Variants in ERLIN2 observed in about 807,000 individuals in gnomAD.
ERLIN2 encodes the protein ER lipid raft associated 2.
ERLIN2 carries 22 observed loss-of-function variants against 41.5 expected under a neutral mutation model. The ratio of observed to expected loss-of-function variants is 0.53; its 90% CI spans 0.38 to 0.76. The LOEUF (loss-of-function observed/expected upper bound fraction) is 0.76, where lower values mean the gene tolerates loss of function less well. Ranked by LOEUF, ERLIN2 falls within the 30% of genes least tolerant of loss-of-function variation. The pLI is 0.00. For missense variants in ERLIN2, 247 were observed against 414.3 expected (o/e 0.60, Z 3.51); for synonymous variants, 149 against 150.9 (o/e 0.99, Z 0.09).
At position 37,749,954 on chromosome 8, in the gene ERLIN2, C is replaced by A. The variant is rs1803180932; in HGVS notation, c.557+102C>A. 3.8e-6 allele frequency: 4 copies of A among 1,066,154 alleles called. No individual in the cohort carries two copies. In the South Asian group the frequency reaches 3.8e-5, roughly 10 times the overall value. The allele number at this position is 1,066,154 out of a possible 1,614,324, so 66.0% of individuals were successfully genotyped here. ...AAGCTGCCAGGCTTCTCGGTTATCC[C>A]CTTGCTGGAGGATTTGCTACAGCCC... On this transcript the variant is annotated intron_variant, in intron 8 of 11. Coordinates refer to ENST00000519638, the MANE Select transcript of ERLIN2 (RefSeq NM_007175.8).
chr8:37,756,897 C>T lies in ERLIN2; in HGVS notation c.*2782C>T, dbSNP rs1201702599. On this transcript the variant is annotated 3_prime_UTR_variant, in exon 12 of 12. Transcript: ENST00000519638. ...AAAATCACCTTGGTTGAATGTTTCTCACTCATTAAACTTTGCAGAAGTGAT... is the reference window on the plus strand; with the variant it reads ...AAAATCACCTTGGTTGAATGTTTCTTACTCATTAAACTTTGCAGAAGTGAT... 2 of 152,506 alleles carry T rather than the reference C, an allele frequency of 1.3e-5. No homozygotes were observed. The highest frequency in any genetic ancestry group is 4.8e-5 in the African/African-American group (2 of 41,456). The allele number at this position is 152,506 out of a possible 1,614,324, so 9.4% of individuals were successfully genotyped here. A position where few individuals can be genotyped will look rare whatever the true frequency, so the allele number is the denominator to read the frequency against.
intron 8 of ERLIN2, 146 bp from the exon 9 acceptor site, chr8:37,750,249 A>G: frequency 1.4e-6 from 1 of 698,930 alleles, no homozygotes; most frequent in South Asian, 1.5e-5. Flanking sequence ...ACAACAGATC[A>G]GCTTTTACCT....
At chr8:37,748,511 A>G (rs1447731827) in intron 6 of ERLIN2, among the ~76,000 whole-genome samples, 1 of 152,150 alleles carries the variant, frequency 6.6e-6, no homozygotes, top group Non-Finnish European at 1.5e-5. Context: ...CTAACAATCA[A>G]GGCCCACCAG....
chr8:37,738,810 A>C (rs1802750377), intron 2 of ERLIN2, among the ~76,000 whole-genome samples: 1 of 152,174 alleles, frequency 6.6e-6, no homozygotes, highest in Admixed American at 6.5e-5. Context: ...ACTTGAGCCC[A>C]GAAGTTTGAG....
rs146112468 is a variant in ERLIN2, at chr8:37,736,834, T to A, written c.-16+156T>A. On this transcript the variant is annotated intron_variant, in intron 1 of 11. Transcript: ENST00000519638. ...ACAGAAACCCTTTTCTGTCGCGTCCTCTCCTTGCGAGCCGCAGGGGGACCG... is the reference window on the plus strand; with the variant it reads ...ACAGAAACCCTTTTCTGTCGCGTCCACTCCTTGCGAGCCGCAGGGGGACCG... 1,962 of 985,726 alleles carry A rather than the reference T, an allele frequency of 2.0e-3. 31 individuals carry two copies. The African/African-American group carries it at 0.032, about 16-fold the overall frequency. The allele number at this position is 985,726 out of a possible 1,614,324, so 61.1% of individuals were successfully genotyped here. A position where few individuals can be genotyped will look rare whatever the true frequency, so the allele number is the denominator to read the frequency against.
intron 9 of ERLIN2, among the ~76,000 whole-genome samples, chr8:37,750,714 T>C (rs1426441655): frequency 6.6e-6 from 1 of 152,066 alleles, no homozygotes; most frequent in Admixed American, 6.5e-5. Flanking sequence ...AAGCCCCACC[T>C]GTTAATTCTT....
chr8:37,740,235 A>G (rs1585900256), intron 2 of ERLIN2, 130 bp from the exon 3 acceptor site: 2 of 728,726 alleles, frequency 2.7e-6, no homozygotes, highest in Non-Finnish European at 5.1e-6. Flanking sequence ...ATCTGTAGCC[A>G]TGGCTGCAGC....
intron 6 of ERLIN2, chr8:37,746,685 G>A (rs1045030496): frequency 8.1e-6 from 2 of 245,822 alleles, no homozygotes; most frequent in South Asian, 1.5e-4. Context: ...ATTTTCATTC[G>A]GATCTGAGCT....
chr8:37,746,613 A>C, intron 6 of ERLIN2: 1 of 825,898 alleles, frequency 1.2e-6, no homozygotes, highest in Non-Finnish European at 1.5e-6. Flanking sequence ...GTATCCATGC[A>C]AGGAAGCAAT....
intron 9 of ERLIN2, 80 bp from the exon 10 acceptor site, chr8:37,751,546 G>A: frequency 8.0e-7 from 1 of 1,246,562 alleles, no homozygotes; most frequent in Non-Finnish European, 1.2e-6. Flanking sequence ...TGGCCCACCA[G>A]GACACTCAGC....
At chr8:37,746,527 G>A (rs1269450627) in intron 6 of ERLIN2, 2 of 972,696 alleles carry the variant, frequency 2.1e-6, no homozygotes, top group African/African-American at 1.8e-5. Flanking sequence ...AATAGCAAAT[G>A]TAAAGTAAAA....
chr8:37,744,463 A>G (rs984488716), intron 5 of ERLIN2, 47 bp downstream of exon 5: 1 of 1,607,488 alleles, frequency 6.2e-7, no homozygotes. Flanking sequence ...TTTCCCCAGC[A>G]TGCCACTCCC....
chr8:37,749,960 T>C lies in ERLIN2; in HGVS notation c.557+108T>C. The C allele has an allele frequency of 4.0e-6, 4 of 1,008,788 alleles. No homozygotes were observed. The South Asian group carries it at 5.1e-5, about 13-fold the overall frequency. 62.5% of individuals were successfully genotyped at this position (1,008,788 alleles called of 1,614,324 possible). A position where few individuals can be genotyped will look rare whatever the true frequency, so the allele number is the denominator to read the frequency against. On this transcript the variant is annotated intron_variant, in intron 8 of 11. Transcript: ENST00000519638. ...CCAGGCTTCTCGGTTATCCCCTTGCTGGAGGATTTGCTACAGCCCATTGCA... is the reference window on the plus strand; with the variant it reads ...CCAGGCTTCTCGGTTATCCCCTTGCCGGAGGATTTGCTACAGCCCATTGCA...
chr8:37,751,938 G>C (rs1265853675), intron 10 of ERLIN2, among the ~76,000 whole-genome samples: 1 of 152,202 alleles, frequency 6.6e-6, no homozygotes, highest in Non-Finnish European at 1.5e-5. Context: ...AGCAAATGTG[G>C]CTGGAGTGCC....
chr8:37,749,685 C>T, intron 7 of ERLIN2, 53 bp downstream of exon 7: 1 of 1,543,742 alleles, frequency 6.5e-7, no homozygotes, highest in Non-Finnish European at 9.0e-7. Context: ...TGCTTCCCTT[C>T]TCCCAAGGGA....
chr8:37,754,416 T>C lies in ERLIN2; in HGVS notation c.*301T>C, dbSNP rs1453317901. 2.5e-6 allele frequency: 1 copy of C among 399,186 alleles called. No individual in the cohort carries two copies. The highest frequency in any genetic ancestry group is 4.7e-6 in the Non-Finnish European group (1 of 211,034). The allele number at this position is 399,186 out of a possible 1,614,324, so 24.7% of individuals were successfully genotyped here. Reference sequence around the variant, plus strand: ...TTGAGGCTGGCTTAATTAGGGATGCTGTCATTAAGGAGAGGGAGAAATGTA... The same window carrying C: ...TTGAGGCTGGCTTAATTAGGGATGCCGTCATTAAGGAGAGGGAGAAATGTA... On this transcript the variant is annotated 3_prime_UTR_variant, in exon 12 of 12. Coordinates refer to ENST00000519638, the MANE Select transcript of ERLIN2 (RefSeq NM_007175.8).
At chr8:37,736,948 G>C in intron 1 of ERLIN2, 1 of 985,988 alleles carries the variant, frequency 1.0e-6, no homozygotes, top group Non-Finnish European at 1.2e-6. Context: ...TGACCTCGGG[G>C]AGGGAAGGGC....
At chr8:37,739,244 T>G (rs1049426082) in intron 2 of ERLIN2, among the ~76,000 whole-genome samples, 1 of 152,218 alleles carries the variant, frequency 6.6e-6, no homozygotes, top group African/African-American at 2.4e-5. Context: ...TCTGCTTACA[T>G]GTTCCCCAAA....
intron 4 of ERLIN2, among the ~76,000 whole-genome samples, chr8:37,743,707 A>G (rs1328800422): frequency 6.6e-6 from 1 of 152,154 alleles, no homozygotes; most frequent in East Asian, 1.9e-4. Flanking sequence ...GAATGATACC[A>G]TGAGTGTGTA....
Sources: gnomAD v4.1 joint callset for allele counts (sites outside exome capture counted in the v4.1 genomes callset) on GRCh38, gnomAD v4.1.1 for gene constraint, MANE v1.5 for transcripts, NCBI Gene and HGNC (gene_info 2026-07-23, HGNC 2026-07-21) for gene names.